The following KHDRBS2 variants were observed in gnomAD, a reference collection of about 807,000 sequenced individuals.
The protein encoded by KHDRBS2 is KH RNA binding domain containing, signal transduction associated 2, also known as KH domain-containing, RNA-binding, signal transduction-associated protein 2.
A neutral mutation model predicts 44.3 loss-of-function variants in KHDRBS2; 26 were observed. That is an observed-to-expected ratio of 0.59 (90% CI 0.43 to 0.81). KHDRBS2 has a LOEUF of 0.81. Ranked by LOEUF, KHDRBS2 falls within the 40% of genes least tolerant of loss-of-function variation. The pLI, the probability that KHDRBS2 is intolerant of heterozygous loss-of-function variation, is 0.00. For missense variants in KHDRBS2, 476 were observed against 433.1 expected, an observed-to-expected ratio of 1.10 and a Z score of -0.88; for synonymous variants, 194 against 151.1, an observed-to-expected ratio of 1.28 and a Z score of -2.08.
At chr6:61,888,472 C>G (rs1304713572) in intron 6 of KHDRBS2, among the ~76,000 whole-genome samples, 1 of 151,788 alleles carries the variant, frequency 6.6e-6, no homozygotes. Context: ...AAAAAAATAT[C>G]CAGTATGTAG....
intron 2 of KHDRBS2, among the ~76,000 whole-genome samples, chr6:62,050,099 A>T (rs1464444660): frequency 6.6e-6 from 1 of 152,118 alleles, no homozygotes; most frequent in Non-Finnish European, 1.5e-5. Flanking sequence ...TACACCATGG[A>T]ATGTTATGCA....
chr6:61,945,478 T>C (rs1259882431), intron 4 of KHDRBS2, among the ~76,000 whole-genome samples: 4 of 151,946 alleles, frequency 2.6e-5, no homozygotes, highest in African/African-American at 9.7e-5. Flanking sequence ...CATAGCAAGA[T>C]ACAAACGGCA....
the KHDRBS2 span, among the ~76,000 whole-genome samples, chr6:61,661,978 C>A: frequency 6.6e-6 from 1 of 151,914 alleles, no homozygotes; most frequent in Non-Finnish European, 1.5e-5. Context: ...GGAGGCATCA[C>A]ACTACCTGAC....
At chr6:61,955,784 CTAAG>C (rs1223715128) in intron 4 of KHDRBS2, among the ~76,000 whole-genome samples, 1 of 151,728 alleles carries the variant, frequency 6.6e-6, no homozygotes, top group Non-Finnish European at 1.5e-5. Flanking sequence ...CTGGCATTTA[CTAAG>C]TATTTTTAAG....
intron 4 of KHDRBS2, among the ~76,000 whole-genome samples, chr6:61,932,453 A>G (rs1256531567): frequency 1.3e-5 from 2 of 152,148 alleles, no homozygotes; most frequent in Admixed American, 6.5e-5. Flanking sequence ...ACTCATAACC[A>G]TCATTCTACT....
At chr6:61,747,322 G>T (rs181389556) in intron 6 of KHDRBS2, among the ~76,000 whole-genome samples, 1 of 152,240 alleles carries the variant, frequency 6.6e-6, no homozygotes, top group African/African-American at 2.4e-5. Flanking sequence ...AATGATTCCT[G>T]CCAAACTTCT....
chr6:61,594,119 G>C, the KHDRBS2 span, among the ~76,000 whole-genome samples: 3 of 151,746 alleles, frequency 2.0e-5, no homozygotes, highest in Non-Finnish European at 4.4e-5. Context: ...TAGTGAAAAA[G>C]GTAAACATTT....
intron 6 of KHDRBS2, among the ~76,000 whole-genome samples, chr6:61,746,732 A>G (rs1776910967): frequency 6.6e-6 from 1 of 152,164 alleles, no homozygotes; most frequent in African/African-American, 2.4e-5. Flanking sequence ...ATTACTCAAG[A>G]TGGATTAAAT....
At chr6:61,673,024 T>A in the KHDRBS2 span, among the ~76,000 whole-genome samples, 3 of 151,848 alleles carry the variant, frequency 2.0e-5, no homozygotes, top group Non-Finnish European at 4.4e-5. Context: ...GATTTTTGTA[T>A]AAGGTGTAAG....
At chr6:61,704,812 A>C (rs1769240728) in intron 7 of KHDRBS2, among the ~76,000 whole-genome samples, 1 of 151,910 alleles carries the variant, frequency 6.6e-6, no homozygotes, top group Admixed American at 6.6e-5. Context: ...AAATCATTGT[A>C]GTATGAATAA....
At chr6:62,050,856 C>T (rs1788863799) in intron 2 of KHDRBS2, among the ~76,000 whole-genome samples, 1 of 152,048 alleles carries the variant, frequency 6.6e-6, no homozygotes, top group East Asian at 1.9e-4. Context: ...GCTCATGACA[C>T]TTTATTCACA....
In KHDRBS2 at chr6:61,863,151, T is replaced by C. The variant is rs1405547625; in HGVS notation, c.810+31484A>G. On this transcript the variant is annotated intron_variant, in intron 6 of 8. Transcript: ENST00000281156. ...CAATATCCCCCTTACCATTTCTGGT[T>C]CTTTTTATTTGAATCTTCTCTCTTT... 2.0e-5 allele frequency among the ~76,000 whole-genome samples: 3 copies of C among 152,074 alleles called. No individual in the cohort carries two copies. In the East Asian group the frequency reaches 5.8e-4, roughly 29 times the overall value.
At chr6:62,149,577 G>C (rs1814656643) in intron 2 of KHDRBS2, among the ~76,000 whole-genome samples, 1 of 152,096 alleles carries the variant, frequency 6.6e-6, no homozygotes, top group Non-Finnish European at 1.5e-5. Flanking sequence ...ACCCACTGGT[G>C]TTTGTTGTTC....
the KHDRBS2 span, chr6:61,574,280 G>A: frequency 6.1e-5 from 82 of 1,349,982 alleles, no homozygotes; most frequent in African/African-American, 3.9e-4. Flanking sequence ...TACCCTAACC[G>A]TGCAAAGGTA....
chr6:62,127,467 T>TA (rs1809240075), intron 2 of KHDRBS2, among the ~76,000 whole-genome samples: 1 of 152,096 alleles, frequency 6.6e-6, no homozygotes, highest in South Asian at 2.1e-4. Context: ...GTTGGTCAAA[T>TA]AAAATAATCC....
chr6:62,083,088 C>T (rs1797714276), intron 2 of KHDRBS2, among the ~76,000 whole-genome samples: 1 of 152,084 alleles, frequency 6.6e-6, no homozygotes, highest in African/African-American at 2.4e-5. Flanking sequence ...TCCTGTTTTC[C>T]CACCCAAATG....
intron 7 of KHDRBS2, among the ~76,000 whole-genome samples, chr6:61,704,536 G>A (rs1354132771): frequency 1.3e-5 from 2 of 151,710 alleles, no homozygotes; most frequent in African/African-American, 2.4e-5. Context: ...TAGGGAGAGA[G>A]GGGCTCAATA....
chr6:61,702,464 T>C (rs1768842913), intron 7 of KHDRBS2, among the ~76,000 whole-genome samples: 1 of 151,958 alleles, frequency 6.6e-6, no homozygotes, highest in African/African-American at 2.4e-5. Context: ...GACATCCTTA[T>C]TATGGAAGCT....
intron 2 of KHDRBS2, among the ~76,000 whole-genome samples, chr6:62,107,414 C>G (rs1302912493): frequency 1.3e-5 from 2 of 152,114 alleles, no homozygotes; most frequent in Non-Finnish European, 2.9e-5. Flanking sequence ...TCAAGGAGAA[C>G]TACAAACCAC....
Sources: allele counts gnomAD v4.1 joint callset (sites outside exome capture counted in the v4.1 genomes callset), GRCh38; gene constraint gnomAD v4.1.1; transcripts MANE v1.5; gene names NCBI Gene and HGNC (gene_info 2026-07-23, HGNC 2026-07-21).